Variants in CREB3L2 observed in about 807,000 individuals in gnomAD.
The protein encoded by CREB3L2 is cyclic AMP-responsive element-binding protein 3-like protein 2.
In CREB3L2, 23 loss-of-function variants were observed where a neutral mutation model predicts 57.2. That is an observed-to-expected ratio of 0.40 (90% CI 0.29 to 0.57). The LOEUF is 0.57. CREB3L2 is among the 20% of genes least tolerant of loss of function. The probability of loss-of-function intolerance (pLI) is 0.42; values close to 1 mark genes in which losing one functional copy is unlikely to be tolerated. For synonymous variants in CREB3L2, 268 were observed against 265.1 expected (o/e 1.01, Z -0.11); for missense variants, 628 against 634.7 (o/e 0.99, Z 0.11).
intron 1 of CREB3L2, among the ~76,000 whole-genome samples, chr7:137,960,308 A>G (rs1278126554): frequency 6.6e-6 from 1 of 152,184 alleles, no homozygotes; most frequent in African/African-American, 2.4e-5. Context: ...AGTAAGTGCT[A>G]AGTTCGTAAC....
chr7:137,900,783 G>A lies in CREB3L2; in HGVS notation c.1043+571C>T, dbSNP rs533371888. 9.9e-5 allele frequency among the ~76,000 whole-genome samples: 15 copies of A among 151,818 alleles called. No homozygotes were observed. The South Asian group carries it at 1.5e-3, about 15-fold the overall frequency. On this transcript the variant is annotated intron_variant, in intron 8 of 11. Coordinates refer to ENST00000330387, the MANE Select transcript of CREB3L2 (RefSeq NM_194071.4). ...CATGCCACTGCATTCCAGCCTGGGC[G>A]ACAGAGCAAGACTCCGTCTCAAAAA... is the stretch of plus-strand genomic sequence containing the variant.
intron 1 of CREB3L2, among the ~76,000 whole-genome samples, chr7:137,938,738 T>C (rs191598571): frequency 4.4e-4 from 67 of 152,328 alleles, no homozygotes; most frequent in African/African-American, 1.5e-3. Context: ...TCATGCACCA[T>C]ACTAATTCCT....
chr7:137,913,493 T>A, intron 3 of CREB3L2, among the ~76,000 whole-genome samples: 2 of 124,402 alleles, frequency 1.6e-5, no homozygotes, highest in Non-Finnish European at 1.6e-5. Context: ...GGTAACAGAG[T>A]GAGACCCTAT....
chr7:137,953,721 G>A (rs1166397294), intron 1 of CREB3L2, among the ~76,000 whole-genome samples: 3 of 152,176 alleles, frequency 2.0e-5, no homozygotes, highest in Non-Finnish European at 4.4e-5. Context: ...TAGAAAAAAT[G>A]CTTTGCCTAA....
At chr7:137,922,529 A>C (rs1385130335) in intron 2 of CREB3L2, 2 of 393,054 alleles carry the variant, frequency 5.1e-6, no homozygotes, top group African/African-American at 4.2e-5. Flanking sequence ...ATACATGTGA[A>C]CATAGAGAGA....
At chr7:137,984,992 TTTTGCGGGGAGCTGGGGGTTTTG>T (rs1801768573) in intron 1 of CREB3L2, among the ~76,000 whole-genome samples, 1 of 152,170 alleles carries the variant, frequency 6.6e-6, no homozygotes, top group African/African-American at 2.4e-5. Flanking sequence ...CAGCAATGAG[TTTTGCGGGGAGCTGGGGGTTTTG>T]TTTGTTTTCT....
rs1585581330 is a variant in CREB3L2 at position 137,877,639 on chromosome 7, G to A, written c.*2837C>T. On this transcript the variant is annotated 3_prime_UTR_variant, in exon 12 of 12. Transcript: ENST00000330387. Reference sequence around the variant, plus strand: ...GAAATGGGAAACTTGTTTACATGATGAAAAATATAATTAAGAGATTGACTC... The same window carrying A: ...GAAATGGGAAACTTGTTTACATGATAAAAAATATAATTAAGAGATTGACTC... 8.9e-6 allele frequency: 2 copies of A among 225,778 alleles called. No individual in the cohort carries two copies. Among genetic ancestry groups the A allele is most frequent in the East Asian group, 1.3e-4 (2 of 15,558 alleles). The allele number at this position is 225,778 out of a possible 1,614,324, so 14.0% of individuals were successfully genotyped here.
rs1162287053 is a variant in CREB3L2 at position 137,912,319 on chromosome 7, G to C, written c.583+672C>G. Reference sequence around the variant, plus strand: ...TTGAACCTGGGAGGCAGAGGTTGCAGTGAGCCGAGATGGTGCCATTGCACT... The same window carrying C: ...TTGAACCTGGGAGGCAGAGGTTGCACTGAGCCGAGATGGTGCCATTGCACT... On this transcript the variant is annotated intron_variant, in intron 4 of 11. Transcript: ENST00000330387. Among the ~76,000 whole-genome samples, 3 of 151,302 alleles carry C rather than the reference G, an allele frequency of 2.0e-5. No individual in the cohort carries two copies. The East Asian group carries it at 5.8e-4, about 29-fold the overall frequency.
At chr7:137,954,655 G>C (rs1801172829) in intron 1 of CREB3L2, among the ~76,000 whole-genome samples, 2 of 152,250 alleles carry the variant, frequency 1.3e-5, no homozygotes, top group South Asian at 4.1e-4. Context: ...TCCACCACAT[G>C]TAAAGTTTAT....
At chr7:137,917,870 G>T (rs1022876537) in intron 2 of CREB3L2, among the ~76,000 whole-genome samples, 1 of 152,136 alleles carries the variant, frequency 6.6e-6, no homozygotes, top group South Asian at 2.1e-4. Flanking sequence ...GTGCTATGGT[G>T]TGACGGGGAT....
chr7:137,897,470 A>G (rs1321188973), intron 8 of CREB3L2, among the ~76,000 whole-genome samples: 1 of 152,134 alleles, frequency 6.6e-6, no homozygotes, highest in Non-Finnish European at 1.5e-5. Context: ...CCTAGGTTCA[A>G]GCGATTCTCC....
intron 1 of CREB3L2, among the ~76,000 whole-genome samples, chr7:137,993,352 T>C (rs1801933198): frequency 6.6e-6 from 1 of 152,024 alleles, no homozygotes; most frequent in South Asian, 2.1e-4. Flanking sequence ...TGCCATCAAC[T>C]CCACTCCCAC....
chr7:137,951,138 T>C (rs538807523), intron 1 of CREB3L2, among the ~76,000 whole-genome samples: 2 of 152,352 alleles, frequency 1.3e-5, no homozygotes, highest in South Asian at 2.1e-4. Context: ...AGGTTCCTTT[T>C]CATGGTCTAT....
At position 138,001,770 on chromosome 7, in the gene CREB3L2, G is replaced by T; in HGVS notation, c.-65C>A. The T allele has an allele frequency of 1.7e-6, 2 of 1,198,914 alleles. No individual in the cohort carries two copies. The highest frequency in any genetic ancestry group is 3.0e-5 in the South Asian group (2 of 65,928). 74.3% of individuals were successfully genotyped at this position (1,198,914 alleles called of 1,614,324 possible). On this transcript the variant is annotated 5_prime_UTR_variant, in exon 1 of 12. Coordinates refer to ENST00000330387, the MANE Select transcript of CREB3L2 (RefSeq NM_194071.4). The surrounding 1 kb of genome is among the most constrained non-coding windows in gnomAD (Gnocchi z 4.2). Reference sequence around the variant, plus strand: ...GGAGGGGACGCGCAGAGCTGCCTCGGACCGGCAAGGTTCCTCTCTCTCCGC... The same window carrying T: ...GGAGGGGACGCGCAGAGCTGCCTCGTACCGGCAAGGTTCCTCTCTCTCCGC...
intron 1 of CREB3L2, among the ~76,000 whole-genome samples, chr7:137,962,807 G>C (rs1448671019): frequency 1.3e-5 from 2 of 152,166 alleles, no homozygotes; most frequent in African/African-American, 4.8e-5. Flanking sequence ...ACAGCACCCA[G>C]AACACAGTAC....
rs7783145 is a variant in CREB3L2 at position 137,879,755 on chromosome 7, C to G, written c.*721G>C. The G allele has an allele frequency of 0.76, 177,938 of 234,830 alleles. 68,348 individuals are homozygous for G. The highest frequency in any genetic ancestry group is 0.89 in the African/African-American group (40,555 of 45,340). 14.5% of individuals were successfully genotyped at this position (234,830 alleles called of 1,614,324 possible). On this transcript the variant is annotated 3_prime_UTR_variant, in exon 12 of 12. Transcript: ENST00000330387. ...GCAAGCTAATAAATACTATTTACAA[C>G]TGGGGAGGAGAAGCTGGGGAGGCAG... is the stretch of plus-strand genomic sequence containing the variant.
At chr7:137,902,982 A>AT (rs1799795109) in intron 7 of CREB3L2, among the ~76,000 whole-genome samples, 1 of 151,634 alleles carries the variant, frequency 6.6e-6, no homozygotes, top group African/African-American at 2.4e-5. Flanking sequence ...ATGCCTGGCT[A>AT]ATTTTTTTTT....
At chr7:137,926,092 C>T (rs1210662010) in intron 2 of CREB3L2, among the ~76,000 whole-genome samples, 6 of 152,078 alleles carry the variant, frequency 3.9e-5, no homozygotes, top group Admixed American at 6.6e-5. Context: ...CAGATGCTGG[C>T]GAGGATGCGG....
chr7:137,991,581 G>A (rs554905596), intron 1 of CREB3L2, among the ~76,000 whole-genome samples: 30 of 152,284 alleles, frequency 2.0e-4, no homozygotes, highest in South Asian at 1.9e-3. Context: ...CACCAAAGAC[G>A]TGAAGTAAAT....
Sources: gnomAD v4.1 joint callset for allele counts (sites outside exome capture counted in the v4.1 genomes callset) on GRCh38, gnomAD v4.1.1 for gene constraint, Gnocchi (gnomAD v3.1) non-coding constraint, MANE v1.5 for transcripts, NCBI Gene and HGNC (gene_info 2026-07-23, HGNC 2026-07-21) for gene names.